Variants in ENTPD7 observed in about 807,000 individuals in gnomAD.
ENTPD7 encodes the protein NTPDase 7.
Under a neutral mutation model 77.9 loss-of-function variants are expected in ENTPD7, and 53 were observed. The observed-to-expected ratio is 0.68, with a 90% CI of 0.55 to 0.85. ENTPD7 has a LOEUF of 0.85. Among genes scored for constraint, ENTPD7 ranks in the 40% least tolerant of loss-of-function variants. The probability of loss-of-function intolerance (pLI) is 0.00; values close to 1 mark genes in which losing one functional copy is unlikely to be tolerated. For synonymous variants in ENTPD7, 248 were observed against 274.9 expected, an observed-to-expected ratio of 0.90 and a Z score of 0.97; for missense variants, 636 against 743.7, an observed-to-expected ratio of 0.86 and a Z score of 1.68.
intron 5 of ENTPD7, among the ~76,000 whole-genome samples, chr10:99,684,647 T>G (rs2035790965): frequency 6.6e-6 from 1 of 152,228 alleles, no homozygotes; most frequent in African/African-American, 2.4e-5. Context: ...CTGACAACTG[T>G]CTGAGCCAGC....
At chr10:99,696,701 A>C (rs1317399787) in intron 9 of ENTPD7, among the ~76,000 whole-genome samples, 1 of 152,180 alleles carries the variant, frequency 6.6e-6, no homozygotes, top group Admixed American at 6.5e-5. Flanking sequence ...CAGTGGTGGG[A>C]TTTCTTGTTT....
At position 99,708,704 on chromosome 10, in the gene ENTPD7, C is replaced by A; in HGVS notation, c.*4021C>A. The stretch of plus-strand genomic sequence containing the variant: ...TGGGAACAGAGTTTCTAATAGTAAT[C>A]ATAATAAATTTCAGAAGAGTTTTAA... On this transcript the variant is annotated 3_prime_UTR_variant, in exon 13 of 13. Coordinates refer to ENST00000370489, the MANE Select transcript of ENTPD7 (RefSeq NM_020354.5). 2.2e-6 allele frequency: 1 copy of A among 454,966 alleles called. No homozygotes were observed. Among genetic ancestry groups the A allele is most frequent in the Non-Finnish European group, 2.9e-6 (1 of 345,448 alleles). 28.2% of individuals were successfully genotyped at this position (454,966 alleles called of 1,614,324 possible).
Position 99,698,544 on chromosome 10 carries a change from C to G in ENTPD7, c.1021C>G (p.Gln341Glu), listed in dbSNP as rs1207022289. ...TTGTCATTGTGGCAGATTGCTTGGT[C>G]AGAAGACAGGTCTGAGTCCCGACAA... ...ETLNKNRLLGQKTGLSPDNPF... is the reference protein window; with the variant it reads ...ETLNKNRLLGEKTGLSPDNPF... Residue 341 changes from glutamine to glutamate, a missense_variant, in exon 10 of 13, where the codon CAG becomes GAG. Around this residue, in one of 3 missense-constraint regions of ENTPD7, gnomAD observed 486 missense variants for 556.5 expected, o/e 0.87. Coordinates refer to ENST00000370489, the MANE Select transcript of ENTPD7 (RefSeq NM_020354.5). 1 of 1,613,452 alleles carries G rather than the reference C, an allele frequency of 6.2e-7. No individual in the cohort carries two copies. Among genetic ancestry groups the G allele is most frequent in the South Asian group, 1.1e-5 (1 of 90,984 alleles).
chr10:99,710,986 GT>G lies in ENTPD7; in HGVS notation c.*6310del. 1 of 984,966 alleles carries G rather than the reference GT, an allele frequency of 1.0e-6. No individual in the cohort carries two copies. Among genetic ancestry groups the G allele is most frequent in the Non-Finnish European group, 1.2e-6 (1 of 829,708 alleles). 61.0% of individuals were successfully genotyped at this position (984,966 alleles called of 1,614,324 possible). A position where few individuals can be genotyped will look rare whatever the true frequency, so the allele number is the denominator to read the frequency against. ...TAATCCTATAGGTATGTGATGACTT[GT>G]TTTTTTGGAAAAAGGTATTTGGAAC... On this transcript the variant is annotated 3_prime_UTR_variant, in exon 13 of 13. Transcript: ENST00000370489.
At chr10:99,660,663 G>A (rs1042398089) in intron 2 of ENTPD7, among the ~76,000 whole-genome samples, 2 of 152,114 alleles carry the variant, frequency 1.3e-5, no homozygotes, top group African/African-American at 4.8e-5. Flanking sequence ...AGTAGCTCAC[G>A]CCTGTAATCC....
chr10:99,698,668 G>GC lies in ENTPD7; in HGVS notation c.1145_1146insC (p.Gly383TrpfsTer27). On this transcript the variant is annotated frameshift_variant, in exon 10 of 13. Transcript: ENST00000370489. LOFTEE classifies it high-confidence loss of function. Reference sequence around the variant, plus strand: ...CGAGGAAGAGGAGACTGGGTGTCTTGTGGGGCAATGCTGAGCCCCCTGCTG... The same window carrying GC: ...CGAGGAAGAGGAGACTGGGTGTCTTGCTGGGGCAATGCTGAGCCCCCTGCTG... The GC allele has an allele frequency of 6.2e-7, 1 of 1,614,196 alleles. No individual in the cohort carries two copies. The highest frequency in any genetic ancestry group is 1.7e-5 in the Admixed American group (1 of 60,020).
intron 3 of ENTPD7, among the ~76,000 whole-genome samples, chr10:99,677,359 C>CTTTTTTTTTTTTTTTT (rs560338561): frequency 1.1e-5 from 1 of 93,806 alleles, no homozygotes; most frequent in African/African-American, 4.3e-5. Context: ...GGGCAGATAG[C>CTTTTTTTTTTTTTTTT]TTTTTTTTTT....
chr10:99,696,073 C>T lies in ENTPD7; in HGVS notation c.961C>T (p.Arg321Trp), dbSNP rs202230145. The change falls in exon 9 of 13, where the codon CGG becomes TGG. Residue 321 changes from arginine to tryptophan, a missense_variant. Arg to Trp is a moderately radical substitution (Grantham distance 101, BLOSUM62 -3). Transcript: ENST00000370489. ...TFLGFGGNFA[R>W]QRYEDLVLNE... ...TCTGGGTTTCGGAGGCAACTTTGCC[C>T]GGCAGCGCTACGAAGACCTTGTTCT... 134 of 1,613,994 alleles carry T rather than the reference C, an allele frequency of 8.3e-5. No homozygotes were observed. The highest frequency in any genetic ancestry group is 1.5e-4 in the African/African-American group (11 of 74,900).
chr10:99,667,205 T>C (rs1590037627), intron 3 of ENTPD7, among the ~76,000 whole-genome samples: 1 of 152,248 alleles, frequency 6.6e-6, no homozygotes, highest in Non-Finnish European at 1.5e-5. Flanking sequence ...CATTGTTACT[T>C]AATGAAAGGT....
At chr10:99,689,809 G>A (rs1347577783) in intron 7 of ENTPD7, among the ~76,000 whole-genome samples, 1 of 152,166 alleles carries the variant, frequency 6.6e-6, no homozygotes, top group Non-Finnish European at 1.5e-5. Flanking sequence ...TTGCAAAATG[G>A]TGATATTTCT....
Position 99,661,495 on chromosome 10 carries a change from A to C in ENTPD7, c.58A>C (p.Thr20Pro). ...AGCCTCCTGGTACTTCACTGTGCCCACAGTGAGTCCATTTCTCCGTCAGCG... is the reference window on the plus strand; with the variant it reads ...AGCCTCCTGGTACTTCACTGTGCCCCCAGTGAGTCCATTTCTCCGTCAGCG... ...CPASWYFTVP[T>P]VSPFLRQRVA... Residue 20 changes from threonine (T) to proline (P), a missense_variant, in exon 3 of 13, where the codon ACA (threonine) becomes CCA (proline). This residue lies in a region of ENTPD7 where 486 missense variants were observed against 556.5 expected (regional missense o/e 0.87). Transcript: ENST00000370489. The C allele has an allele frequency of 6.2e-7, 1 of 1,613,960 alleles. No homozygotes were observed. Among genetic ancestry groups the C allele is most frequent in the Non-Finnish European group, 8.5e-7 (1 of 1,179,968 alleles).
intron 5 of ENTPD7, among the ~76,000 whole-genome samples, chr10:99,680,559 T>C (rs2035739568): frequency 1.3e-5 from 2 of 152,066 alleles, no homozygotes; most frequent in Non-Finnish European, 2.9e-5. Flanking sequence ...GTGGTAAGCA[T>C]ACAACATGAG....
rs899197533 is a variant in ENTPD7 at position 99,708,774 on chromosome 10, G to A, written c.*4091G>A. 1.1e-6 allele frequency: 1 copy of A among 950,194 alleles called. No homozygotes were observed. The highest frequency in any genetic ancestry group is 1.8e-5 in the African/African-American group (1 of 56,612). 58.9% of individuals were successfully genotyped at this position (950,194 alleles called of 1,614,324 possible). A position where few individuals can be genotyped will look rare whatever the true frequency, so the allele number is the denominator to read the frequency against. On this transcript the variant is annotated 3_prime_UTR_variant, in exon 13 of 13. Transcript: ENST00000370489. ...TGATTTATATGGGTGATAAAACTGAGGCCTAGAGCAGTTGTAATATGTGCA... is the reference window on the plus strand; with the variant it reads ...TGATTTATATGGGTGATAAAACTGAAGCCTAGAGCAGTTGTAATATGTGCA...
chr10:99,690,936 C>T (rs1590049085), intron 7 of ENTPD7, among the ~76,000 whole-genome samples: 2 of 152,140 alleles, frequency 1.3e-5, no homozygotes, highest in Non-Finnish European at 2.9e-5. Context: ...TTAAGTAATT[C>T]ACAAGAATTA....
At position 99,709,645 on chromosome 10, in the gene ENTPD7, G is replaced by A; in HGVS notation, c.*4962G>A. The A allele has an allele frequency of 1.0e-5, 10 of 985,402 alleles. No individual in the cohort carries two copies. Among genetic ancestry groups the A allele is most frequent in the Non-Finnish European group, 1.2e-5 (10 of 829,926 alleles). 61.0% of individuals were successfully genotyped at this position (985,402 alleles called of 1,614,324 possible). A position where few individuals can be genotyped will look rare whatever the true frequency, so the allele number is the denominator to read the frequency against. The stretch of plus-strand genomic sequence containing the variant: ...TTCTCTCATAACCTGGATCTAAGTT[G>A]GAAAGCTGTGGCACCCTGTTTGGGT... On this transcript the variant is annotated 3_prime_UTR_variant, in exon 13 of 13. Transcript: ENST00000370489.
rs758489124 is a variant in ENTPD7 at position 99,709,699 on chromosome 10, C to T, written c.*5016C>T. ...CCATCTACCCTGTTTTCTGTTTCTG[C>T]AGATGGCTTGTTCAAGCTTCATTTT... On this transcript the variant is annotated 3_prime_UTR_variant, in exon 13 of 13. Transcript: ENST00000370489. 206 of 985,288 alleles carry T rather than the reference C, an allele frequency of 2.1e-4. No individual in the cohort carries two copies. The highest frequency in any genetic ancestry group is 2.5e-4 in the Non-Finnish European group (204 of 829,930). 61.0% of individuals were successfully genotyped at this position (985,288 alleles called of 1,614,324 possible).
intron 3 of ENTPD7, among the ~76,000 whole-genome samples, chr10:99,673,321 C>CAAA (rs370518830): frequency 1.4e-5 from 2 of 143,172 alleles, no homozygotes; most frequent in African/African-American, 5.1e-5. Context: ...TTATATATGA[C>CAAA]AAAAAAAAAA....
At chr10:99,668,697 G>A (rs925380278) in intron 3 of ENTPD7, among the ~76,000 whole-genome samples, 3 of 152,166 alleles carry the variant, frequency 2.0e-5, no homozygotes, top group South Asian at 2.1e-4. Context: ...GATAATGGGC[G>A]TTATAATCTC....
In ENTPD7 at chr10:99,691,375, T is replaced by C. The variant is rs747354667; in HGVS notation, c.710-10T>C. The C allele has an allele frequency of 2.6e-5, 42 of 1,610,494 alleles. No homozygotes were observed. The highest frequency in any genetic ancestry group is 4.5e-5 in the East Asian group (2 of 44,896). ...TTACTAGGGCCTTTTTGTTCTCTTA[T>C]TTATTTCAGAATCAGATGCTGAGGC... On this transcript the variant is annotated splice_polypyrimidine_tract_variant and intron_variant, in intron 7 of 12. Coordinates refer to ENST00000370489, the MANE Select transcript of ENTPD7 (RefSeq NM_020354.5).
Sources: gnomAD v4.1 joint callset for allele counts (sites outside exome capture counted in the v4.1 genomes callset) on GRCh38, gnomAD v4.1.1 for gene constraint, gnomAD v4.1.1 regional missense constraint, MANE v1.5 for transcripts, NCBI Gene and HGNC (gene_info 2026-07-23, HGNC 2026-07-21) for gene names.